E2F3: variants seen among roughly 807,000 people sequenced by gnomAD.
E2F3 encodes the protein transcription factor E2F3.
E2F3 carries 11 observed loss-of-function variants against 44.4 expected under a neutral mutation model. That is an observed-to-expected ratio of 0.25 (90% CI 0.16 to 0.41). The LOEUF is 0.41. E2F3 is among the 10% of genes least tolerant of loss of function. The probability of loss-of-function intolerance (pLI) is 1.00; values close to 1 mark genes in which losing one functional copy is unlikely to be tolerated. For missense variants in E2F3, 487 were observed against 583.6 expected (o/e 0.83, Z 1.70); for synonymous variants, 249 against 253.0 (o/e 0.98, Z 0.15).
intron 1 of E2F3, among the ~76,000 whole-genome samples, chr6:20,477,723 GA>G (rs915108328): frequency 1.3e-5 from 2 of 150,888 alleles, no homozygotes; most frequent in African/African-American, 4.9e-5. Context: ...GCAGCTGGAT[GA>G]AAAAAAAATC....
At chr6:20,454,248 C>G (rs1273869775) in intron 1 of E2F3, among the ~76,000 whole-genome samples, 5 of 152,198 alleles carry the variant, frequency 3.3e-5, no homozygotes, top group Non-Finnish European at 2.9e-5. Flanking sequence ...AATCAGAGAC[C>G]CTGTGTGGAC....
At chr6:20,482,669 C>T in intron 3 of E2F3, 93 bp from the exon 4 acceptor site, 1 of 1,295,600 alleles carries the variant, frequency 7.7e-7, no homozygotes, top group Non-Finnish European at 1.0e-6. Context: ...AATGTGACCT[C>T]CTATGTCAAG....
intron 4 of E2F3, among the ~76,000 whole-genome samples, chr6:20,483,617 C>T (rs1484973545): frequency 6.6e-6 from 1 of 152,168 alleles, no homozygotes; most frequent in Non-Finnish European, 1.5e-5. Context: ...AACTTCCTGA[C>T]AATCTATTGA....
At chr6:20,479,122 G>T (rs1762137362) in intron 1 of E2F3, among the ~76,000 whole-genome samples, 1 of 152,204 alleles carries the variant, frequency 6.6e-6, no homozygotes, top group South Asian at 2.1e-4. Context: ...ATAAGAAAAT[G>T]GAGAAAGTAA....
At chr6:20,472,301 A>T (rs1561878763) in intron 1 of E2F3, among the ~76,000 whole-genome samples, 1 of 152,132 alleles carries the variant, frequency 6.6e-6, no homozygotes, top group African/African-American at 2.4e-5. Context: ...CAGTGGCAGC[A>T]TGGATGTTGC....
At chr6:20,483,103 A>T (rs947044333) in intron 4 of E2F3, among the ~76,000 whole-genome samples, 183 bp downstream of exon 4, 7 of 152,098 alleles carry the variant, frequency 4.6e-5, no homozygotes, top group Non-Finnish European at 1.0e-4. Flanking sequence ...AGCTTTGCCT[A>T]AAAAGTCAGT....
chr6:20,422,340 TA>T (rs1306054243), intron 1 of E2F3, among the ~76,000 whole-genome samples: 1 of 152,226 alleles, frequency 6.6e-6, no homozygotes, highest in Non-Finnish European at 1.5e-5. Context: ...GGCTTTGGCT[TA>T]AGGGAATGTT....
intron 1 of E2F3, among the ~76,000 whole-genome samples, chr6:20,434,149 G>A (rs1760497881): frequency 6.6e-6 from 1 of 152,206 alleles, no homozygotes; most frequent in South Asian, 2.1e-4. Flanking sequence ...GAGGGACAGA[G>A]TTTTCCAAAT....
In E2F3 at chr6:20,402,682, G is replaced by T. The variant is rs1759347589; in HGVS notation, c.393+57G>T. ...CCGGCGGGAGGTGGGCTCGCACCGC[G>T]CGGGGTCGTGGGCGCGCTGCGGGCC... On this transcript the variant is annotated intron_variant, in intron 1 of 6. Coordinates refer to ENST00000346618, the MANE Select transcript of E2F3 (RefSeq NM_001949.5). This position sits in a 1 kb window ranked among gnomAD's most constrained non-coding sequence, Gnocchi z 5.6. 7.8e-7 allele frequency: 1 copy of T among 1,284,474 alleles called. No individual in the cohort carries two copies. Among genetic ancestry groups the T allele is most frequent in the Admixed American group, 4.2e-5 (1 of 23,556 alleles). 79.6% of individuals were successfully genotyped at this position (1,284,474 alleles called of 1,614,324 possible).
intron 1 of E2F3, among the ~76,000 whole-genome samples, chr6:20,458,341 T>G (rs1467299859): frequency 6.6e-6 from 1 of 152,158 alleles, no homozygotes; most frequent in Non-Finnish European, 1.5e-5. Flanking sequence ...AAGACTCATA[T>G]CTTGTCTTCC....
chr6:20,424,450 C>CT, intron 1 of E2F3, among the ~76,000 whole-genome samples: 1 of 151,610 alleles, frequency 6.6e-6, no homozygotes, highest in Middle Eastern at 3.4e-3. Flanking sequence ...GCATGTGTGT[C>CT]TGTGTTGTTC....
At chr6:20,414,804 A>G (rs1581572994) in intron 1 of E2F3, among the ~76,000 whole-genome samples, 1 of 152,162 alleles carries the variant, frequency 6.6e-6, no homozygotes, top group Non-Finnish European at 1.5e-5. Flanking sequence ...AGCTTTGGAA[A>G]TGCATGCGTG....
intron 1 of E2F3, among the ~76,000 whole-genome samples, chr6:20,429,026 G>A (rs1022842848): frequency 2.0e-5 from 3 of 152,080 alleles, no homozygotes; most frequent in South Asian, 2.1e-4. Flanking sequence ...TTTGATTTTC[G>A]TAACTGGGAG....
At chr6:20,407,806 A>C in intron 1 of E2F3, among the ~76,000 whole-genome samples, 1 of 152,236 alleles carries the variant, frequency 6.6e-6, no homozygotes, top group East Asian at 1.9e-4. Flanking sequence ...CAAGCTAGCC[A>C]ACTTCAATTC....
chr6:20,479,072 A>G (rs114209786), intron 1 of E2F3, among the ~76,000 whole-genome samples: 3,471 of 152,342 alleles, frequency 0.023, 142 homozygotes, highest in African/African-American at 0.079. Flanking sequence ...TTGGAGTTAA[A>G]TTAAAAACTT....
chr6:20,487,919 T>C (rs1202577916), intron 5 of E2F3, among the ~76,000 whole-genome samples, 194 bp from the exon 6 acceptor site: 1 of 152,232 alleles, frequency 6.6e-6, no homozygotes, highest in Non-Finnish European at 1.5e-5. Flanking sequence ...CTTGGTGAAC[T>C]GGATTTGGCC....
intron 1 of E2F3, among the ~76,000 whole-genome samples, chr6:20,437,573 A>G (rs964117388): frequency 2.0e-5 from 3 of 152,186 alleles, no homozygotes; most frequent in Non-Finnish European, 2.9e-5. Context: ...TAGTGTTTAT[A>G]TTGTTTTCCT....
chr6:20,483,556 A>G (rs923599530), intron 4 of E2F3, among the ~76,000 whole-genome samples: 2 of 152,166 alleles, frequency 1.3e-5, no homozygotes, highest in Non-Finnish European at 2.9e-5. Flanking sequence ...CTGTTCCACT[A>G]CAAACATTAG....
chr6:20,473,219 A>G, intron 1 of E2F3, among the ~76,000 whole-genome samples: 1 of 152,238 alleles, frequency 6.6e-6, no homozygotes, highest in East Asian at 1.9e-4. Flanking sequence ...GAATAAAATA[A>G]AGTGTGTCAT....
Sources: gnomAD v4.1 joint callset for allele counts (sites outside exome capture counted in the v4.1 genomes callset) on GRCh38, gnomAD v4.1.1 for gene constraint, Gnocchi (gnomAD v3.1) non-coding constraint, MANE v1.5 for transcripts, NCBI Gene and HGNC (gene_info 2026-07-23, HGNC 2026-07-21) for gene names.